The following CSMD1 variants were observed in gnomAD, a reference collection of about 807,000 sequenced individuals.
CSMD1 encodes CUB and Sushi multiple domains 1, also known as CUB and sushi domain-containing protein 1.
In CSMD1, 213 loss-of-function variants were observed where a neutral mutation model predicts 417.5. The observed-to-expected ratio is 0.51, with a 90% CI of 0.46 to 0.57. The LOEUF is 0.57. Among genes scored for constraint, CSMD1 ranks in the 20% least tolerant of loss-of-function variants. The pLI is 0.00. For synonymous variants in CSMD1, 2,862 were observed against 1,736.8 expected (o/e 1.65, Z -16.11); for missense variants, 6,923 against 4,529.7 (o/e 1.53, Z -15.17).
At chr8:4,536,701 T>A (rs1935071239) in intron 2 of CSMD1, among the ~76,000 whole-genome samples, 1 of 152,230 alleles carries the variant, frequency 6.6e-6, no homozygotes, top group Non-Finnish European at 1.5e-5. Flanking sequence ...AATGCCAGAA[T>A]AAAAAGTTTT....
At chr8:3,176,033 G>T (rs1265689538) in intron 37 of CSMD1, among the ~76,000 whole-genome samples, 1 of 152,138 alleles carries the variant, frequency 6.6e-6, no homozygotes, top group Admixed American at 6.5e-5. Flanking sequence ...TTGGATAGAT[G>T]TCATTAGATG....
intron 3 of CSMD1, among the ~76,000 whole-genome samples, chr8:4,406,253 T>A (rs113317408): frequency 3.9e-5 from 6 of 152,120 alleles, no homozygotes; most frequent in Non-Finnish European, 8.8e-5. Context: ...GTGGCTCTCC[T>A]GGTGCATTTG....
intron 3 of CSMD1, among the ~76,000 whole-genome samples, chr8:4,325,139 G>T (rs1799487786): frequency 6.6e-6 from 1 of 152,154 alleles, no homozygotes; most frequent in South Asian, 2.1e-4. Flanking sequence ...AATCATGAAT[G>T]CTGACAAGAC....
chr8:3,925,292 G>C (rs369412927), intron 5 of CSMD1, among the ~76,000 whole-genome samples: 3 of 152,208 alleles, frequency 2.0e-5, no homozygotes, highest in African/African-American at 7.2e-5. Flanking sequence ...AATAACCCAA[G>C]AGGTGAAGCA....
intron 26 of CSMD1, among the ~76,000 whole-genome samples, chr8:3,256,315 A>T (rs1221470498): frequency 8.1e-5 from 10 of 123,064 alleles, no homozygotes; most frequent in Non-Finnish European, 1.8e-4. Context: ...TCAAGAAAAA[A>T]AAAAAAAAAA....
At position 4,817,093 on chromosome 8, in the gene CSMD1, G is replaced by GTGTATATAA. The variant is rs200378714; in HGVS notation, c.85+177238_85+177239insTTATATACA. Among the ~76,000 whole-genome samples, 224 of 152,178 alleles carry GTGTATATAA rather than the reference G, an allele frequency of 1.5e-3. 7 individuals carry two copies. The East Asian group carries it at 0.039, about 26-fold the overall frequency. ...GACCATGTATATACAACTTTATTAT[G>GTGTATATAA]TGTATATACATGCCTCCATGTATCT... On this transcript the variant is annotated intron_variant, in intron 1 of 69. Coordinates refer to ENST00000635120, the MANE Select transcript of CSMD1 (RefSeq NM_033225.6).
intron 1 of CSMD1, among the ~76,000 whole-genome samples, chr8:4,818,732 C>T (rs1799350269): frequency 6.6e-6 from 1 of 152,152 alleles, no homozygotes; most frequent in Admixed American, 6.5e-5. Flanking sequence ...AGTGCAAATG[C>T]AAACATAACT....
intron 7 of CSMD1, among the ~76,000 whole-genome samples, chr8:3,693,393 T>C (rs532402537): frequency 3.3e-5 from 5 of 152,310 alleles, no homozygotes; most frequent in Admixed American, 3.3e-4. Context: ...ATAATGACTT[T>C]TGTTAAGAGT....
chr8:3,391,755 G>C (rs1033039064), intron 17 of CSMD1, among the ~76,000 whole-genome samples: 1 of 152,298 alleles, frequency 6.6e-6, no homozygotes, highest in East Asian at 1.9e-4. Flanking sequence ...AGTCAGCCTC[G>C]AGTACCTGTG....
At chr8:4,033,586 G>A (rs1221906543) in intron 3 of CSMD1, among the ~76,000 whole-genome samples, 1 of 152,174 alleles carries the variant, frequency 6.6e-6, no homozygotes, top group African/African-American at 2.4e-5. Context: ...CCTACAATGT[G>A]TAAAACTAAG....
chr8:4,037,599 G>C (rs892065055), intron 3 of CSMD1, among the ~76,000 whole-genome samples: 4 of 114,876 alleles, frequency 3.5e-5, no homozygotes, highest in African/African-American at 1.1e-4. Flanking sequence ...GCAATGGAAA[G>C]GAGAATGGAC....
At chr8:3,929,059 G>T (rs2129148474) in intron 5 of CSMD1, among the ~76,000 whole-genome samples, 1 of 150,444 alleles carries the variant, frequency 6.6e-6, no homozygotes, top group South Asian at 2.1e-4. Context: ...TCTACTAATT[G>T]CAGAAAATTA....
At chr8:3,163,276 T>C (rs1415076429) in intron 37 of CSMD1, among the ~76,000 whole-genome samples, 1 of 152,162 alleles carries the variant, frequency 6.6e-6, no homozygotes, top group South Asian at 2.1e-4. Context: ...TCACATTCTT[T>C]ATGGGGCCTT....
At chr8:3,498,015 C>A (rs1796438708) in intron 10 of CSMD1, among the ~76,000 whole-genome samples, 1 of 152,202 alleles carries the variant, frequency 6.6e-6, no homozygotes, top group East Asian at 1.9e-4. Flanking sequence ...AGCTTTTCCT[C>A]ATCCGGGAAT....
chr8:4,750,958 G>C (rs1373903651), intron 1 of CSMD1, among the ~76,000 whole-genome samples: 1 of 152,162 alleles, frequency 6.6e-6, no homozygotes, highest in Non-Finnish European at 1.5e-5. Flanking sequence ...AGCCATGTCT[G>C]TATTGACACT....
At chr8:3,586,083 G>T (rs1297344652) in intron 9 of CSMD1, 53 bp downstream of exon 9, 4 of 1,565,508 alleles carry the variant, frequency 2.6e-6, no homozygotes, top group Non-Finnish European at 2.6e-6. Flanking sequence ...TCATAAAAAT[G>T]CCAACCTTAA....
chr8:3,467,004 T>G (rs376946928), intron 12 of CSMD1, among the ~76,000 whole-genome samples: 1 of 152,198 alleles, frequency 6.6e-6, no homozygotes, highest in Non-Finnish European at 1.5e-5. Context: ...GACATTGAAT[T>G]GGCCATCTCT....
intron 1 of CSMD1, among the ~76,000 whole-genome samples, chr8:4,682,788 A>C (rs1806130492): frequency 6.6e-6 from 1 of 151,360 alleles, no homozygotes; most frequent in Non-Finnish European, 1.5e-5. Flanking sequence ...GTATATACGA[A>C]GCAACATTAT....
intron 7 of CSMD1, among the ~76,000 whole-genome samples, chr8:3,681,476 T>C (rs1207532404): frequency 1.3e-5 from 2 of 152,242 alleles, no homozygotes; most frequent in African/African-American, 4.8e-5. Context: ...GGAATCCAGC[T>C]TACAAGGGAT....
Sources: gnomAD v4.1 joint callset for allele counts (sites outside exome capture counted in the v4.1 genomes callset) on GRCh38, gnomAD v4.1.1 for gene constraint, MANE v1.5 for transcripts, NCBI Gene and HGNC (gene_info 2026-07-23, HGNC 2026-07-21) for gene names.